JMJD1C: variants seen among roughly 807,000 people sequenced by gnomAD.
JMJD1C encodes the protein jumonji domain containing 1C, also known as jumonji domain-containing protein 1C.
Under a neutral mutation model 245.3 loss-of-function variants are expected in JMJD1C, and 31 were observed. That is an observed-to-expected ratio of 0.13 (90% CI 0.09 to 0.17). JMJD1C has a LOEUF of 0.17. Ranked by LOEUF, JMJD1C falls within the 10% of genes least tolerant of loss-of-function variation. The pLI is 1.00. For missense variants in JMJD1C, 2,691 were observed against 3,000.2 expected, an observed-to-expected ratio of 0.90 and a Z score of 2.41; for synonymous variants, 1,057 against 1,017.4, an observed-to-expected ratio of 1.04 and a Z score of -0.74.
intron 2 of JMJD1C, among the ~76,000 whole-genome samples, chr10:63,368,013 C>T (rs1945998704): frequency 1.3e-5 from 2 of 152,150 alleles, no homozygotes; most frequent in African/African-American, 2.4e-5. Context: ...ATAGGACATG[C>T]TAATTGAAAG....
In JMJD1C at chr10:63,213,628, G is replaced by C; in HGVS notation, c.2539C>G (p.Gln847Glu). The C allele has an allele frequency of 3.1e-6, 5 of 1,614,200 alleles. No homozygotes were observed. The highest frequency in any genetic ancestry group is 4.2e-6 in the Non-Finnish European group (5 of 1,180,022). ...TTATATGAAGCAGAAGGATGGGCTT[G>C]TCCAAGAAGATGAGGTGACTGGTGC... ...LQHQSPHLLG[Q>E]AHPSASYNQL... The change falls in exon 8 of 26, where the codon CAA becomes GAA. Residue 847 changes from glutamine (Q) to glutamate (E), a missense_variant. Physicochemically the swap from Gln to Glu is conservative, Grantham distance 29 (BLOSUM62 2). Transcript: ENST00000399262.
At chr10:63,184,529 C>A in intron 21 of JMJD1C, 79 bp downstream of exon 21, 2 of 1,285,242 alleles carry the variant, frequency 1.6e-6, no homozygotes, top group Non-Finnish European at 1.1e-6. Context: ...CAGGCGTGAG[C>A]CACTATGCCC....
At chr10:63,387,482 A>T (rs942987812) in intron 1 of JMJD1C, among the ~76,000 whole-genome samples, 2 of 152,022 alleles carry the variant, frequency 1.3e-5, no homozygotes, top group African/African-American at 4.8e-5. Flanking sequence ...ATAAAAAAGG[A>T]TGAAACAAAT....
intron 3 of JMJD1C, among the ~76,000 whole-genome samples, chr10:63,229,935 T>A (rs1201724373): frequency 6.6e-6 from 1 of 152,242 alleles, no homozygotes; most frequent in Non-Finnish European, 1.5e-5. Context: ...TTAGGTTTTT[T>A]TCCTAAAAAT....
chr10:63,445,860 G>C (rs1364350834), intron 1 of JMJD1C, among the ~76,000 whole-genome samples: 2 of 112,928 alleles, frequency 1.8e-5, no homozygotes, highest in Non-Finnish European at 3.6e-5. Context: ...GCTGGGATCT[G>C]AATTTTTTTT....
At chr10:63,251,788 C>A (rs955958373) in intron 3 of JMJD1C, among the ~76,000 whole-genome samples, 1 of 152,054 alleles carries the variant, frequency 6.6e-6, no homozygotes, top group Non-Finnish European at 1.5e-5. Flanking sequence ...CTGAGGTGGG[C>A]GGATCACAAG....
intron 3 of JMJD1C, among the ~76,000 whole-genome samples, chr10:63,252,228 A>G (rs1853188656): frequency 6.6e-6 from 1 of 152,222 alleles, no homozygotes; most frequent in Non-Finnish European, 1.5e-5. Flanking sequence ...AAATATGAAT[A>G]ACAGCCATGA....
chr10:63,179,538 T>C (rs1843225236), intron 22 of JMJD1C, among the ~76,000 whole-genome samples: 1 of 152,042 alleles, frequency 6.6e-6, no homozygotes, highest in Admixed American at 6.6e-5. Flanking sequence ...TTTGGGAGGT[T>C]GAGGTGAGTG....
chr10:63,264,322 G>A (rs1466362811), intron 3 of JMJD1C, among the ~76,000 whole-genome samples: 1 of 151,954 alleles, frequency 6.6e-6, no homozygotes, highest in Non-Finnish European at 1.5e-5. Flanking sequence ...AATTCTTAAC[G>A]TTTAGCATTG....
At chr10:63,360,556 T>C (rs1330188359) in intron 2 of JMJD1C, among the ~76,000 whole-genome samples, 1 of 152,188 alleles carries the variant, frequency 6.6e-6, no homozygotes, top group Non-Finnish European at 1.5e-5. Context: ...AAAAGGATAT[T>C]TGACAATAGG....
At chr10:63,472,393 C>T (rs914046754) in intron 1 of JMJD1C, among the ~76,000 whole-genome samples, 10 of 152,062 alleles carry the variant, frequency 6.6e-5, no homozygotes, top group Non-Finnish European at 1.5e-4. Flanking sequence ...AGTGCAACGG[C>T]GTAATCTCAG....
At chr10:63,387,978 C>G (rs1947761167) in intron 1 of JMJD1C, among the ~76,000 whole-genome samples, 1 of 152,084 alleles carries the variant, frequency 6.6e-6, no homozygotes, top group South Asian at 2.1e-4. Context: ...AGCAAATCCT[C>G]ATCACATATA....
chr10:63,483,577 A>G (rs1473297853), intron 1 of JMJD1C, among the ~76,000 whole-genome samples: 1 of 152,236 alleles, frequency 6.6e-6, no homozygotes, highest in Admixed American at 6.5e-5. Flanking sequence ...ATTTTTGTTT[A>G]TAACAAAGTA....
rs544822426 is a variant in JMJD1C, at chr10:63,421,538, T to C, written c.169-41056A>G. On this transcript the variant is annotated intron_variant, in intron 1 of 25. Transcript: ENST00000399262. ...CACAGGTGCTCTTCAGAATGATTAGTTGAGTTGTACATTTGTACTTTGTGT... is the reference window on the plus strand; with the variant it reads ...CACAGGTGCTCTTCAGAATGATTAGCTGAGTTGTACATTTGTACTTTGTGT... 7.2e-5 allele frequency among the ~76,000 whole-genome samples: 11 copies of C among 152,272 alleles called. No homozygotes were observed. The South Asian group carries it at 8.3e-4, about 11-fold the overall frequency.
At chr10:63,269,156 T>A in intron 2 of JMJD1C, 1 of 985,468 alleles carries the variant, frequency 1.0e-6, no homozygotes, top group Non-Finnish European at 1.2e-6. Context: ...CCTTTCCCAC[T>A]GTACTCTGTC....
chr10:63,264,871 T>C (rs1855336923), intron 2 of JMJD1C, 107 bp from the exon 3 acceptor site: 4 of 559,708 alleles, frequency 7.1e-6, no homozygotes, highest in East Asian at 3.2e-5. Context: ...CACTACAGAG[T>C]CTTAGGGTAC....
chr10:63,503,562 C>T (rs1954627266), intron 1 of JMJD1C, among the ~76,000 whole-genome samples: 1 of 152,164 alleles, frequency 6.6e-6, no homozygotes. Flanking sequence ...CACCCTTACT[C>T]CTGTCCCTTA....
intron 3 of JMJD1C, among the ~76,000 whole-genome samples, 176 bp downstream of exon 3, chr10:63,264,475 T>C (rs1173047326): frequency 6.6e-6 from 1 of 152,196 alleles, no homozygotes; most frequent in Non-Finnish European, 1.5e-5. Context: ...ATATTGTTAA[T>C]TGAATTAATA....
intron 1 of JMJD1C, among the ~76,000 whole-genome samples, chr10:63,402,145 A>AAAC (rs1554923063): frequency 1.9e-5 from 1 of 54,044 alleles, no homozygotes; most frequent in African/African-American, 4.7e-5. Context: ...AAAAAAAAGA[A>AAAC]AAAAAAACAA....
Sources: gnomAD v4.1 joint callset for allele counts (sites outside exome capture counted in the v4.1 genomes callset) on GRCh38, gnomAD v4.1.1 for gene constraint, MANE v1.5 for transcripts, NCBI Gene and HGNC (gene_info 2026-07-23, HGNC 2026-07-21) for gene names.